The following DAAM1 variants were observed in gnomAD, a reference collection of about 807,000 sequenced individuals.
The protein encoded by DAAM1 is disheveled-associated activator of morphogenesis 1.
DAAM1 carries 52 observed loss-of-function variants against 130.0 expected under a neutral mutation model. That is an observed-to-expected ratio of 0.40 (90% CI 0.32 to 0.50). The LOEUF is 0.50. DAAM1 is among the 20% of genes least tolerant of loss of function. The probability of loss-of-function intolerance (pLI) is 0.61; values close to 1 mark genes in which losing one functional copy is unlikely to be tolerated. For synonymous variants in DAAM1, 452 were observed against 444.5 expected, an observed-to-expected ratio of 1.02 and a Z score of -0.21; for missense variants, 1,134 against 1,303.8, an observed-to-expected ratio of 0.87 and a Z score of 2.01.
At chr14:59,224,092 C>T (rs548759114) in intron 1 of DAAM1, among the ~76,000 whole-genome samples, 1 of 152,296 alleles carries the variant, frequency 6.6e-6, no homozygotes, top group African/African-American at 2.4e-5. Context: ...TATTGTTGGC[C>T]TTGTCAGGTG....
chr14:59,236,745 A>G (rs909330859), intron 1 of DAAM1, among the ~76,000 whole-genome samples: 4 of 152,110 alleles, frequency 2.6e-5, no homozygotes, highest in Non-Finnish European at 5.9e-5. Flanking sequence ...TGTCTGGTTC[A>G]TTGCTGGGCC....
intron 2 of DAAM1, among the ~76,000 whole-genome samples, chr14:59,273,035 T>C (rs1204448023): frequency 6.6e-6 from 1 of 152,152 alleles, no homozygotes; most frequent in African/African-American, 2.4e-5. Context: ...CCTAAAACAG[T>C]AGGGTTGGCA....
intron 17 of DAAM1, among the ~76,000 whole-genome samples, chr14:59,351,073 C>T (rs1471727531): frequency 2.0e-5 from 3 of 151,384 alleles, no homozygotes; most frequent in South Asian, 4.2e-4. Flanking sequence ...CACCCTACCT[C>T]CAGCCTTCTC....
At chr14:59,333,122 C>A (rs541640094) in intron 15 of DAAM1, among the ~76,000 whole-genome samples, 21 of 152,202 alleles carry the variant, frequency 1.4e-4, no homozygotes, top group Non-Finnish European at 2.9e-4. Flanking sequence ...GCCTTTGATA[C>A]ATCTGAAATG....
intron 16 of DAAM1, 28 bp from the exon 17 acceptor site, chr14:59,347,511 G>C: frequency 6.2e-7 from 1 of 1,600,374 alleles, no homozygotes; most frequent in Non-Finnish European, 8.5e-7. Flanking sequence ...AAACCAATAT[G>C]GTTAATAACA....
At chr14:59,263,069 AG>A (rs1882250655) in intron 1 of DAAM1, among the ~76,000 whole-genome samples, 1 of 152,224 alleles carries the variant, frequency 6.6e-6, no homozygotes, top group Non-Finnish European at 1.5e-5. Context: ...GAGATCTCCT[AG>A]GGGGCAAGGA....
intron 3 of DAAM1, among the ~76,000 whole-genome samples, chr14:59,296,683 G>T (rs997144877): frequency 6.6e-6 from 1 of 152,182 alleles, no homozygotes; most frequent in Non-Finnish European, 1.5e-5. Flanking sequence ...GGTTACAGCA[G>T]TGAGAGTTGA....
intron 16 of DAAM1, among the ~76,000 whole-genome samples, chr14:59,341,483 A>T (rs1206545149): frequency 6.6e-6 from 1 of 152,236 alleles, no homozygotes; most frequent in Non-Finnish European, 1.5e-5. Flanking sequence ...GGTAAACTGC[A>T]TTCACATAAC....
At chr14:59,291,112 A>T (rs1055976940) in intron 2 of DAAM1, 105 bp from the exon 3 acceptor site, 39 of 863,594 alleles carry the variant, frequency 4.5e-5, no homozygotes, top group Non-Finnish European at 6.3e-5. Flanking sequence ...TCATTTAAAT[A>T]TGTGTTTGTG....
At chr14:59,298,905 A>G (rs1218773079) in intron 3 of DAAM1, among the ~76,000 whole-genome samples, 1 of 152,186 alleles carries the variant, frequency 6.6e-6, no homozygotes, top group Non-Finnish European at 1.5e-5. Context: ...GTGCATTTTC[A>G]TAAATGTTGC....
At position 59,323,098 on chromosome 14, in the gene DAAM1, A is replaced by G. The variant is rs773808956; in HGVS notation, c.647A>G (p.Asn216Ser). 4.3e-6 allele frequency: 7 copies of G among 1,613,776 alleles called. No individual in the cohort carries two copies. Among genetic ancestry groups the G allele is most frequent in the Non-Finnish European group, 5.9e-6 (7 of 1,179,816 alleles). ...ATTGCTCAGAGTCTGAGCACAGAGA[A>G]CATTAAAACGAAGGTGGCCGTGCTG... ...NVIAQSLSTE[N>S]IKTKVAVLEI... Residue 216 changes from asparagine to serine, a missense_variant, in exon 6 of 25, where the codon AAC (asparagine) becomes AGC (serine). Asn to Ser is a conservative substitution (Grantham distance 46). Coordinates refer to ENST00000360909, the MANE Select transcript of DAAM1 (RefSeq NM_001270520.2).
Position 59,368,743 on chromosome 14 carries a change from C to T in DAAM1, c.3091C>T (p.Arg1031Cys). The change falls in exon 25 of 25, where the codon CGC becomes TGC. Residue 1031 changes from arginine to cysteine, a missense_variant. Arg to Cys is a radical substitution (Grantham distance 180). Coordinates refer to ENST00000360909, the MANE Select transcript of DAAM1 (RefSeq NM_001270520.2). Reference sequence around the variant, plus strand: ...GTTTGATGACCTTGTTTCAGCTTTACGCTCAGGAGAAGTGTTTGACAAAGA... The same window carrying T: ...GTTTGATGACCTTGTTTCAGCTTTATGCTCAGGAGAAGTGTTTGACAAAGA... ...GEFDDLVSALRSGEVFDKDLS... is the reference protein window; with the variant it reads ...GEFDDLVSALCSGEVFDKDLS... 3.7e-6 allele frequency: 6 copies of T among 1,613,954 alleles called. No individual in the cohort carries two copies. The highest frequency in any genetic ancestry group is 2.7e-5 in the African/African-American group (2 of 75,046).
chr14:59,303,877 G>A (rs1260177589), intron 3 of DAAM1, among the ~76,000 whole-genome samples: 1 of 152,138 alleles, frequency 6.6e-6, no homozygotes, highest in Non-Finnish European at 1.5e-5. Flanking sequence ...TTCAGCCTAA[G>A]TGACAGAGTG....
chr14:59,282,126 C>T (rs1404508886), intron 2 of DAAM1, among the ~76,000 whole-genome samples: 1 of 152,118 alleles, frequency 6.6e-6, no homozygotes, highest in Non-Finnish European at 1.5e-5. Context: ...ACTGTCCCAC[C>T]TTTCCCCATA....
chr14:59,317,781 T>G (rs569673999), intron 4 of DAAM1, among the ~76,000 whole-genome samples: 3 of 152,310 alleles, frequency 2.0e-5, no homozygotes, highest in African/African-American at 7.2e-5. Context: ...AATTGGGAAT[T>G]TAAATGTATC....
At chr14:59,344,296 A>G (rs1483298931) in intron 16 of DAAM1, among the ~76,000 whole-genome samples, 2 of 152,240 alleles carry the variant, frequency 1.3e-5, no homozygotes, top group African/African-American at 2.4e-5. Context: ...TTACGCCTGG[A>G]TGTTCCAATT....
rs1885712745 is a variant in DAAM1, at chr14:59,338,474, A to C, written c.1969-1600A>C. The C allele has an allele frequency of 3.2e-6, 5 of 1,579,804 alleles. No homozygotes were observed. The Admixed American group carries it at 6.7e-5, about 21-fold the overall frequency. ...AACTCCTTGGCTCACTGTAAGCTTG[A>C]AATCTCTTCGTTATCCAGGGTTTTG... On this transcript the variant is annotated intron_variant, in intron 15 of 24. Coordinates refer to ENST00000360909, the MANE Select transcript of DAAM1 (RefSeq NM_001270520.2).
intron 3 of DAAM1, among the ~76,000 whole-genome samples, chr14:59,299,417 T>C (rs1345030159): frequency 2.0e-5 from 3 of 152,184 alleles, no homozygotes; most frequent in African/African-American, 7.2e-5. Flanking sequence ...GGTTTAGTAC[T>C]TATCAGAGAG....
chr14:59,326,090 G>A lies in DAAM1; in HGVS notation c.1174+13G>A, dbSNP rs201882818. 1.1e-5 allele frequency: 18 copies of A among 1,607,680 alleles called. No individual in the cohort carries two copies. Among genetic ancestry groups the A allele is most frequent in the Middle Eastern group, 1.7e-4 (1 of 6,046 alleles). ...CTCCAAATGCCTTGTAAGTGTGTTC[G>A]TGACTCACATGTGTGCTTCTGAATG... On this transcript the variant is annotated intron_variant, in intron 10 of 24. Transcript: ENST00000360909.
Sources: allele counts gnomAD v4.1 joint callset (sites outside exome capture counted in the v4.1 genomes callset), GRCh38; gene constraint gnomAD v4.1.1; transcripts MANE v1.5; gene names NCBI Gene and HGNC (gene_info 2026-07-23, HGNC 2026-07-21).